DHRSX: variants seen among roughly 807,000 people sequenced by gnomAD.
DHRSX encodes dehydrogenase/reductase X-linked.
Under a neutral mutation model 34.0 loss-of-function variants are expected in DHRSX, and 31 were observed. That is an observed-to-expected ratio of 0.91 (90% CI 0.69 to 1.23). DHRSX has a LOEUF of 1.23. Among genes scored for constraint, DHRSX ranks in the 50% most tolerant of loss-of-function variants. The probability of loss-of-function intolerance (pLI) is 0.00; values close to 1 mark genes in which losing one functional copy is unlikely to be tolerated. For synonymous variants in DHRSX, 201 were observed against 183.8 expected, an observed-to-expected ratio of 1.09 and a Z score of -0.76; for missense variants, 414 against 428.1, an observed-to-expected ratio of 0.97 and a Z score of 0.29.
chrX:2,333,082 T>C (rs1569490274), intron 3 of DHRSX, among the ~76,000 whole-genome samples: 1 of 152,214 alleles, frequency 6.6e-6, no homozygotes, highest in Non-Finnish European at 1.5e-5. Flanking sequence ...CCTGTTTTCT[T>C]GCCCTGTAAA....
intron 3 of DHRSX, among the ~76,000 whole-genome samples, chrX:2,313,704 T>C (rs188417877): frequency 2.0e-3 from 301 of 152,250 alleles, no homozygotes; most frequent in African/African-American, 6.4e-3. Flanking sequence ...TCAAACTCTG[T>C]AAAATATTTG....
intron 1 of DHRSX, among the ~76,000 whole-genome samples, chrX:2,477,509 G>A (rs1300888234): frequency 3.3e-5 from 5 of 152,180 alleles, no homozygotes; most frequent in Non-Finnish European, 5.9e-5. Context: ...TTTGTCACAG[G>A]TGGAAACAGT....
intron 4 of DHRSX, among the ~76,000 whole-genome samples, chrX:2,269,662 G>T (rs1325578084): frequency 6.6e-6 from 1 of 152,032 alleles, no homozygotes; most frequent in Admixed American, 6.6e-5. Flanking sequence ...TTAGCCTCCC[G>T]AGTAGCTGGG....
chrX:2,433,936 G>A (rs1269684715), intron 1 of DHRSX, among the ~76,000 whole-genome samples: 4 of 152,010 alleles, frequency 2.6e-5, no homozygotes, highest in African/African-American at 4.8e-5. Flanking sequence ...CACCACGCCC[G>A]GCTAATTTTG....
intron 5 of DHRSX, among the ~76,000 whole-genome samples, chrX:2,252,595 C>A (rs1486387748): frequency 1.3e-5 from 2 of 152,062 alleles, no homozygotes; most frequent in African/African-American, 4.8e-5. Flanking sequence ...CAGATTTTTC[C>A]AGAGTAAATG....
intron 4 of DHRSX, among the ~76,000 whole-genome samples, chrX:2,275,750 C>CT (rs2041620819): frequency 6.6e-6 from 1 of 151,860 alleles, no homozygotes; most frequent in Non-Finnish European, 1.5e-5. Context: ...GGTTGTGCCA[C>CT]TGCACTCCAG....
rs1246095027 is a variant in DHRSX at position 2,260,745 on chromosome X, G to A, written c.596+5995C>T. Among the ~76,000 whole-genome samples the A allele has an allele frequency of 3.9e-5, 6 of 152,112 alleles. No homozygotes were observed. In the East Asian group the frequency reaches 9.6e-4, roughly 24 times the overall value. On this transcript the variant is annotated intron_variant, in intron 5 of 6. Transcript: ENST00000334651. Reference sequence around the variant, plus strand: ...CAAAGTGCTGGGATGACAGGCATGAGCCAGTGTGCCCAGGTATTTTCTACT... The same window carrying A: ...CAAAGTGCTGGGATGACAGGCATGAACCAGTGTGCCCAGGTATTTTCTACT...
At chrX:2,424,363 C>T (rs951936881) in intron 2 of DHRSX, among the ~76,000 whole-genome samples, 2 of 152,086 alleles carry the variant, frequency 1.3e-5, no homozygotes, top group African/African-American at 2.4e-5. Context: ...GATGAAAACA[C>T]ACAGAGGGAC....
intron 1 of DHRSX, among the ~76,000 whole-genome samples, chrX:2,456,496 C>G (rs1351304422): frequency 6.6e-6 from 1 of 151,704 alleles, no homozygotes; most frequent in African/African-American, 2.4e-5. Flanking sequence ...TGCCTGTAAT[C>G]CCAGCTACTC....
chrX:2,328,739 A>G (rs1419818941), intron 3 of DHRSX, among the ~76,000 whole-genome samples: 1 of 152,208 alleles, frequency 6.6e-6, no homozygotes, highest in African/African-American at 2.4e-5. Context: ...TAAGCGGCCC[A>G]GCCTGTAGTA....
At chrX:2,449,947 A>G (rs2044193514) in intron 1 of DHRSX, among the ~76,000 whole-genome samples, 1 of 152,082 alleles carries the variant, frequency 6.6e-6, no homozygotes, top group Non-Finnish European at 1.5e-5. Flanking sequence ...AGCTGTTTTA[A>G]TAAGCAATTC....
At chrX:2,345,108 C>T (rs1463244634) in intron 3 of DHRSX, among the ~76,000 whole-genome samples, 1 of 151,694 alleles carries the variant, frequency 6.6e-6, no homozygotes, top group Admixed American at 6.6e-5. Flanking sequence ...TCCATGGCTT[C>T]CCCTGCCTCT....
intron 1 of DHRSX, among the ~76,000 whole-genome samples, chrX:2,491,268 C>T (rs2045136560): frequency 1.3e-5 from 2 of 152,084 alleles, no homozygotes; most frequent in Non-Finnish European, 2.9e-5. Context: ...CAGGGTTTCA[C>T]CATGTTGGTC....
In DHRSX at chrX:2,308,379, CTGTTCGACAAT is replaced by C. The variant is rs200713029; in HGVS notation, c.287-16787_287-16777del. ...GGAGGAATTACAATTGTTAAAACAA[CTGTTCGACAAT>C]TGTTCGACAATTGTTTTAACAATTG... On this transcript the variant is annotated intron_variant, in intron 3 of 6. Coordinates refer to ENST00000334651, the MANE Select transcript of DHRSX (RefSeq NM_145177.3). Among the ~76,000 whole-genome samples the C allele has an allele frequency of 8.4e-3, 1,278 of 152,184 alleles. 18 individuals carry two copies. The highest frequency in any genetic ancestry group is 0.029 in the African/African-American group (1,219 of 41,554).
rs1432270807 is a variant in DHRSX, at chrX:2,219,696, T to G, written c.*1345A>C. 6.6e-6 allele frequency: 1 copy of G among 152,174 alleles called. No individual in the cohort carries two copies. Among genetic ancestry groups the G allele is most frequent in the Non-Finnish European group, 1.5e-5 (1 of 68,044 alleles). 9.4% of individuals were successfully genotyped at this position (152,174 alleles called of 1,614,324 possible). ...GTACAGGCATGCCAGGAGCCTGGATTTGAATAGTCAGTGGGATTTTGTCAC... is the reference window on the plus strand; with the variant it reads ...GTACAGGCATGCCAGGAGCCTGGATGTGAATAGTCAGTGGGATTTTGTCAC... On this transcript the variant is annotated 3_prime_UTR_variant, in exon 7 of 7. Coordinates refer to ENST00000334651, the MANE Select transcript of DHRSX (RefSeq NM_145177.3).
intron 1 of DHRSX, among the ~76,000 whole-genome samples, chrX:2,471,655 T>C (rs2044595077): frequency 6.6e-6 from 1 of 152,012 alleles, no homozygotes; most frequent in Non-Finnish European, 1.5e-5. Flanking sequence ...TTCCCAATGC[T>C]ATTAACCAAT....
intron 4 of DHRSX, among the ~76,000 whole-genome samples, chrX:2,270,525 A>G (rs893174703): frequency 1.3e-5 from 2 of 152,128 alleles, no homozygotes; most frequent in Non-Finnish European, 2.9e-5. Context: ...TGGATGCCCC[A>G]TTGCGCGGAG....
chrX:2,413,244 TA>T (rs1200422130), intron 2 of DHRSX, among the ~76,000 whole-genome samples: 2 of 152,148 alleles, frequency 1.3e-5, no homozygotes, highest in African/African-American at 2.4e-5. Flanking sequence ...TACCAGGTGC[TA>T]GGGGGGTGGG....
At chrX:2,226,248 A>G (rs1343465162) in intron 6 of DHRSX, among the ~76,000 whole-genome samples, 2 of 152,098 alleles carry the variant, frequency 1.3e-5, no homozygotes, top group African/African-American at 4.8e-5. Context: ...TTATACCCAC[A>G]CTTACCTGCT....
Sources: allele counts gnomAD v4.1 joint callset (sites outside exome capture counted in the v4.1 genomes callset), GRCh38; gene constraint gnomAD v4.1.1; transcripts MANE v1.5; gene names NCBI Gene and HGNC (gene_info 2026-07-23, HGNC 2026-07-21).